WDFY1: variants seen among roughly 807,000 people sequenced by gnomAD.
The protein encoded by WDFY1 is WD repeat and FYVE domain-containing protein 1.
Under a neutral mutation model 56.4 loss-of-function variants are expected in WDFY1, and 32 were observed. The ratio of observed to expected loss-of-function variants is 0.57; its 90% CI spans 0.43 to 0.76. The LOEUF (loss-of-function observed/expected upper bound fraction) is 0.76, where lower values mean the gene tolerates loss of function less well. WDFY1 is among the 30% of genes least tolerant of loss of function. The pLI, the probability that WDFY1 is intolerant of heterozygous loss-of-function variation, is 0.00. For synonymous variants in WDFY1, 192 were observed against 197.3 expected, an observed-to-expected ratio of 0.97 and a Z score of 0.23; for missense variants, 480 against 545.7, an observed-to-expected ratio of 0.88 and a Z score of 1.20.
chr2:223,936,500 GC>G (rs1694171105), intron 1 of WDFY1, among the ~76,000 whole-genome samples: 2 of 152,226 alleles, frequency 1.3e-5, no homozygotes, highest in South Asian at 4.1e-4. Context: ...ACTCAGGGAA[GC>G]CAGTTAATAG....
rs143270625 is a variant in WDFY1 at position 223,930,605 on chromosome 2, G to A, written c.138-12595C>T. Among the ~76,000 whole-genome samples the A allele has an allele frequency of 3.7e-4, 56 of 152,292 alleles. 1 individual carries two copies. In the East Asian group the frequency reaches 7.9e-3, roughly 22 times the overall value. On this transcript the variant is annotated intron_variant, in intron 1 of 11. Coordinates refer to ENST00000233055, the MANE Select transcript of WDFY1 (RefSeq NM_020830.5). ...CTTGGCCTCCCAGGCATGAACTGCC[G>A]TGCCTTGCCTATTTCTCTGAGCCTT...
At chr2:223,932,117 CTTTTTTTTTTTTT>C (rs35246074) in intron 1 of WDFY1, among the ~76,000 whole-genome samples, 1 of 93,984 alleles carries the variant, frequency 1.1e-5, no homozygotes, top group Non-Finnish European at 2.0e-5. Context: ...GTATGAGTAC[CTTTTTTTTTTTTT>C]TTTTTTTTTT....
At chr2:223,910,224 A>C (rs1397731760) in intron 3 of WDFY1, among the ~76,000 whole-genome samples, 2 of 152,360 alleles carry the variant, frequency 1.3e-5, no homozygotes, top group South Asian at 4.1e-4. Flanking sequence ...ATAAATGTGG[A>C]ACCCCTCCCT....
chr2:223,916,640 A>G (rs1693792600), intron 2 of WDFY1, among the ~76,000 whole-genome samples: 1 of 152,190 alleles, frequency 6.6e-6, no homozygotes, highest in Admixed American at 6.5e-5. Context: ...GCTACTTGGC[A>G]TAACGGAGTT....
intron 3 of WDFY1, among the ~76,000 whole-genome samples, 195 bp from the exon 4 acceptor site, chr2:223,906,196 C>G (rs968488363): frequency 4.6e-5 from 7 of 152,210 alleles, no homozygotes; most frequent in African/African-American, 1.7e-4. Flanking sequence ...TTTGGGAGAA[C>G]AGACCGAATT....
intron 6 of WDFY1, among the ~76,000 whole-genome samples, chr2:223,896,717 CAG>C (rs1693387692): frequency 6.6e-6 from 1 of 152,162 alleles, no homozygotes; most frequent in South Asian, 2.1e-4. Flanking sequence ...CAAAAGCAAA[CAG>C]AAACTACTTT....
chr2:223,927,729 C>T (rs1211228593), intron 1 of WDFY1, among the ~76,000 whole-genome samples: 1 of 152,188 alleles, frequency 6.6e-6, no homozygotes, highest in Non-Finnish European at 1.5e-5. Flanking sequence ...CTGTTTGGTG[C>T]AAAAGGCCTA....
chr2:223,877,860 A>C lies in WDFY1; in HGVS notation c.*811T>G, dbSNP rs1692996439. ...CATCACAGTGGTGGCTGGGTTTTCC[A>C]TCAGTCATTACTAATGGCAATGAGA... On this transcript the variant is annotated 3_prime_UTR_variant, in exon 12 of 12. Coordinates refer to ENST00000233055, the MANE Select transcript of WDFY1 (RefSeq NM_020830.5). 6.6e-6 allele frequency: 1 copy of C among 152,608 alleles called. No individual in the cohort carries two copies. Among genetic ancestry groups the C allele is most frequent in the African/African-American group, 2.4e-5 (1 of 41,440 alleles). 9.5% of individuals were successfully genotyped at this position (152,608 alleles called of 1,614,324 possible).
chr2:223,881,843 G>A, intron 10 of WDFY1, 99 bp downstream of exon 10: 1 of 1,472,826 alleles, frequency 6.8e-7, no homozygotes, highest in Non-Finnish European at 9.1e-7. Context: ...CAAACACATG[G>A]CTAAACATAT....
chr2:223,913,984 A>T (rs1693746507), intron 2 of WDFY1, among the ~76,000 whole-genome samples: 1 of 145,192 alleles, frequency 6.9e-6, no homozygotes, highest in South Asian at 2.2e-4. Flanking sequence ...CATCTTTCAA[A>T]TCAGTTAGCT....
At chr2:223,932,968 G>A (rs1283526956) in intron 1 of WDFY1, among the ~76,000 whole-genome samples, 25 of 151,416 alleles carry the variant, frequency 1.7e-4, no homozygotes. Context: ...ATTGCCATCT[G>A]TTTTTATCGA....
chr2:223,912,627 T>C (rs1474623579), intron 2 of WDFY1, among the ~76,000 whole-genome samples: 2 of 152,116 alleles, frequency 1.3e-5, no homozygotes, highest in Middle Eastern at 3.2e-3. Context: ...TGGGGACCAG[T>C]GCTTGTAGTG....
chr2:223,878,742 G>C lies in WDFY1; in HGVS notation c.1174-12C>G, dbSNP rs1040705600. On this transcript the variant is annotated splice_polypyrimidine_tract_variant and intron_variant, in intron 11 of 11. Coordinates refer to ENST00000233055, the MANE Select transcript of WDFY1 (RefSeq NM_020830.5). ...GTCATGTCCCAGATCTACAAGGAAG[G>C]AAGAAACGCAGAAAAGGCAGCAGTG... 8 of 1,595,816 alleles carry C rather than the reference G, an allele frequency of 5.0e-6. No individual in the cohort carries two copies. Among genetic ancestry groups the C allele is most frequent in the Non-Finnish European group, 6.8e-6 (8 of 1,169,254 alleles).
chr2:223,924,814 A>G (rs560462998), intron 1 of WDFY1, among the ~76,000 whole-genome samples: 12 of 152,204 alleles, frequency 7.9e-5, no homozygotes, highest in Non-Finnish European at 1.2e-4. Flanking sequence ...AAAGCAAAGG[A>G]ACAACTCAAA....
At chr2:223,901,677 A>G (rs965289493) in intron 4 of WDFY1, among the ~76,000 whole-genome samples, 5 of 150,554 alleles carry the variant, frequency 3.3e-5, no homozygotes, top group Non-Finnish European at 7.4e-5. Context: ...ACTTTGCTCT[A>G]AAAAACTGTA....
At chr2:223,895,233 G>A (rs1439732011) in intron 7 of WDFY1, among the ~76,000 whole-genome samples, 1 of 152,192 alleles carries the variant, frequency 6.6e-6, no homozygotes, top group African/African-American at 2.4e-5. Context: ...GACTCCTTGA[G>A]AGAAAAAGTG....
At chr2:223,894,191 G>C in intron 8 of WDFY1, 43 bp downstream of exon 8, 1 of 1,603,880 alleles carries the variant, frequency 6.2e-7, no homozygotes, top group African/African-American at 1.3e-5. Context: ...CCAGGTTCCT[G>C]GGGGTCTCCC....
intron 6 of WDFY1, among the ~76,000 whole-genome samples, chr2:223,897,365 TATATATA>T (rs1693400701): frequency 3.5e-5 from 1 of 28,362 alleles, no homozygotes. Context: ...TATATATATA[TATATATA>T]TATATATATA....
chr2:223,895,705 C>T (rs1315152640), intron 6 of WDFY1, 75 bp from the exon 7 acceptor site: 1 of 1,562,054 alleles, frequency 6.4e-7, no homozygotes. Flanking sequence ...AGGACGTATA[C>T]ATTTGACAGC....
Sources: allele counts gnomAD v4.1 joint callset (sites outside exome capture counted in the v4.1 genomes callset), GRCh38; gene constraint gnomAD v4.1.1; transcripts MANE v1.5; gene names NCBI Gene and HGNC (gene_info 2026-07-23, HGNC 2026-07-21).